Variants in EHBP1 observed in about 807,000 individuals in gnomAD.
EHBP1 encodes the protein EH domain-binding protein 1.
Under a neutral mutation model 144.0 loss-of-function variants are expected in EHBP1, and 55 were observed. That is an observed-to-expected ratio of 0.38 (90% CI 0.31 to 0.48). The LOEUF is 0.48. Among genes scored for constraint, EHBP1 ranks in the 20% least tolerant of loss-of-function variants. The pLI is 0.98. For missense variants in EHBP1, 1,200 were observed against 1,364.2 expected (o/e 0.88, Z 1.90); for synonymous variants, 469 against 472.7 (o/e 0.99, Z 0.10).
At position 62,996,807 on chromosome 2, in the gene EHBP1, G is replaced by T; in HGVS notation, c.3103+41G>T. ...ACACTGTAAACAGTTTTGGCAAATT[G>T]AGCGTTCACAAACTCTTATAGAGTT... is the stretch of plus-strand genomic sequence containing the variant. On this transcript the variant is annotated intron_variant, in intron 19 of 22. Coordinates refer to ENST00000431489, the MANE Select transcript of EHBP1 (RefSeq NM_001142616.3). 1.9e-6 allele frequency: 3 copies of T among 1,599,184 alleles called. No homozygotes were observed. The South Asian group carries it at 3.4e-5, about 18-fold the overall frequency.
chr2:62,682,461 A>G (rs2033565418), intron 1 of EHBP1, among the ~76,000 whole-genome samples: 1 of 152,174 alleles, frequency 6.6e-6, no homozygotes, highest in Admixed American at 6.5e-5. Context: ...TGTTCTTTAT[A>G]ACCATCTGTG....
intron 5 of EHBP1, among the ~76,000 whole-genome samples, chr2:62,821,926 A>T (rs2046012874): frequency 6.6e-6 from 1 of 152,160 alleles, no homozygotes; most frequent in African/African-American, 2.4e-5. Context: ...TAATAATCAC[A>T]TCATGGAAAA....
chr2:62,842,157 G>T (rs369089928), intron 7 of EHBP1, among the ~76,000 whole-genome samples: 20 of 151,984 alleles, frequency 1.3e-4, no homozygotes, highest in Admixed American at 3.3e-4. Context: ...CACAGTCTCG[G>T]CTCACTGTAA....
At chr2:62,972,399 G>A (rs2058539252) in intron 14 of EHBP1, among the ~76,000 whole-genome samples, 1 of 152,066 alleles carries the variant, frequency 6.6e-6, no homozygotes, top group African/African-American at 2.4e-5. Context: ...AGATTTTATT[G>A]CTATCTATTC....
rs1329258078 is a variant in EHBP1, at chr2:62,706,996, T to G, written c.-196T>G. The G allele has an allele frequency of 9.0e-6, 5 of 553,620 alleles. No homozygotes were observed. The highest frequency in any genetic ancestry group is 1.6e-5 in the Non-Finnish European group (5 of 306,562). 34.3% of individuals were successfully genotyped at this position (553,620 alleles called of 1,614,324 possible). ...TCCTGTCACGTATATCATAGTGTTC[T>G]TGACTGGGCCATTCATCTAAGATGG... On this transcript the variant is annotated 5_prime_UTR_variant, in exon 2 of 23. Coordinates refer to ENST00000431489, the MANE Select transcript of EHBP1 (RefSeq NM_001142616.3).
At chr2:62,719,852 A>G (rs1225572215) in intron 2 of EHBP1, among the ~76,000 whole-genome samples, 3 of 152,354 alleles carry the variant, frequency 2.0e-5, no homozygotes, top group Non-Finnish European at 4.4e-5. Flanking sequence ...AGATTTTGGT[A>G]TCCTCAGGAG....
chr2:62,745,388 TG>T (rs1486634602), intron 2 of EHBP1, among the ~76,000 whole-genome samples: 2 of 137,010 alleles, frequency 1.5e-5, no homozygotes, highest in African/African-American at 2.7e-5. Context: ...GAATATGGAA[TG>T]GGTGGGAGGG....
At chr2:62,945,113 G>A (rs1335850997) in intron 12 of EHBP1, among the ~76,000 whole-genome samples, 2 of 152,102 alleles carry the variant, frequency 1.3e-5, no homozygotes, top group African/African-American at 2.4e-5. Flanking sequence ...AGATATTTTC[G>A]ATATTTTCAT....
At chr2:62,838,675 C>A (rs1229710530) in intron 7 of EHBP1, among the ~76,000 whole-genome samples, 1 of 151,578 alleles carries the variant, frequency 6.6e-6, no homozygotes, top group Non-Finnish European at 1.5e-5. Context: ...ACCGATCCCA[C>A]AGAAATACAA....
chr2:62,880,251 A>G (rs192176845), intron 10 of EHBP1, among the ~76,000 whole-genome samples: 1 of 152,180 alleles, frequency 6.6e-6, no homozygotes, highest in Admixed American at 6.5e-5. Context: ...ACCTAAAACT[A>G]TAAAATTATA....
At chr2:62,773,881 A>AAAAAC (rs2041865049) in intron 5 of EHBP1, among the ~76,000 whole-genome samples, 1 of 139,376 alleles carries the variant, frequency 7.2e-6, no homozygotes, top group African/African-American at 2.6e-5. Context: ...AAAAAAAAAA[A>AAAAAC]AAAAGAGAGA....
intron 10 of EHBP1, among the ~76,000 whole-genome samples, chr2:62,898,712 G>T (rs551411293): frequency 6.6e-6 from 1 of 152,114 alleles, no homozygotes; most frequent in African/African-American, 2.4e-5. Flanking sequence ...AATAATTGTT[G>T]GGTGGATGGA....
At chr2:62,897,661 A>AT (rs2053050150) in intron 10 of EHBP1, among the ~76,000 whole-genome samples, 1 of 152,148 alleles carries the variant, frequency 6.6e-6, no homozygotes, top group African/African-American at 2.4e-5. Context: ...ATTGAACTAT[A>AT]TTTTTCTTCC....
At chr2:62,860,753 TC>T (rs1290624189) in intron 8 of EHBP1, among the ~76,000 whole-genome samples, 2 of 152,234 alleles carry the variant, frequency 1.3e-5, no homozygotes, top group East Asian at 3.9e-4. Context: ...TATTTTAAAA[TC>T]AAGTAAGTTT....
intron 10 of EHBP1, among the ~76,000 whole-genome samples, chr2:62,927,778 A>T (rs1439547263): frequency 6.6e-6 from 1 of 152,230 alleles, no homozygotes; most frequent in Non-Finnish European, 1.5e-5. Flanking sequence ...ACAAACATAC[A>T]AAAAACTGCG....
chr2:62,996,518 G>A, intron 18 of EHBP1, 125 bp from the exon 19 acceptor site: 1 of 1,188,236 alleles, frequency 8.4e-7, no homozygotes, highest in Non-Finnish European at 1.2e-6. Flanking sequence ...TTGCTTTTTG[G>A]TACTAAGGGT....
Position 62,955,630 on chromosome 2 carries a change from C to A in EHBP1, c.2430C>A (p.Ala810=), listed in dbSNP as rs1239179936. ...KAGNKHNTNT[A]TPFCNRQLSD... ...GGAATAAGCACAATACCAACACAGC[C>A]ACCCCATTCTGCAACAGGCAGCTAA... The change falls in exon 14 of 23, where the codon GCC becomes GCA. Residue 810 remains alanine, a synonymous_variant. Transcript: ENST00000431489. The A allele has an allele frequency of 5.6e-6, 9 of 1,611,580 alleles. No homozygotes were observed. In the South Asian group the frequency reaches 7.7e-5, roughly 14 times the overall value.
intron 9 of EHBP1, among the ~76,000 whole-genome samples, chr2:62,870,738 C>CAT (rs756481712): frequency 0.022 from 3,061 of 139,056 alleles, 79 homozygotes; most frequent in African/African-American, 0.066. Context: ...AAAAAAAATA[C>CAT]ATATATATAT....
At chr2:63,029,613 T>C (rs772389270) in intron 19 of EHBP1, among the ~76,000 whole-genome samples, 2 of 152,050 alleles carry the variant, frequency 1.3e-5, no homozygotes, top group Non-Finnish European at 2.9e-5. Flanking sequence ...CTTACAACAA[T>C]CGTGAAGTAA....
Sources: allele counts gnomAD v4.1 joint callset (sites outside exome capture counted in the v4.1 genomes callset), GRCh38; gene constraint gnomAD v4.1.1; transcripts MANE v1.5; gene names NCBI Gene and HGNC (gene_info 2026-07-23, HGNC 2026-07-21).